TENM3: variants seen among roughly 807,000 people sequenced by gnomAD.
TENM3 encodes teneurin transmembrane protein 3, also known as teneurin-3.
TENM3 carries 63 observed loss-of-function variants against 255.1 expected under a neutral mutation model. The ratio of observed to expected loss-of-function variants is 0.25; its 90% CI spans 0.20 to 0.30. The LOEUF (loss-of-function observed/expected upper bound fraction) is 0.30. TENM3 is among the 10% of genes least tolerant of loss of function. The pLI is 1.00. For synonymous variants in TENM3, 1,306 were observed against 1,322.3 expected (o/e 0.99, Z 0.27); for missense variants, 2,929 against 3,461.1 (o/e 0.85, Z 3.86).
chr4:182,564,001 G>A (rs1294594385), intron 3 of TENM3, among the ~76,000 whole-genome samples: 1 of 152,082 alleles, frequency 6.6e-6, no homozygotes. Flanking sequence ...GCCCCAGTAT[G>A]TTCTTCACCT....
intron 7 of TENM3, among the ~76,000 whole-genome samples, chr4:182,677,324 G>T (rs981694654): frequency 4.6e-5 from 7 of 152,066 alleles, no homozygotes; most frequent in Non-Finnish European, 1.0e-4. Flanking sequence ...TGATGCGAAT[G>T]GTTATTTCTA....
intron 5 of TENM3, among the ~76,000 whole-genome samples, chr4:182,649,444 AG>A (rs1561054256): frequency 6.6e-6 from 1 of 150,482 alleles, no homozygotes. Context: ...ATATGAATCC[AG>A]GCACTTTCAC....
At chr4:181,625,444 C>CA in the TENM3 span, among the ~76,000 whole-genome samples, 1 of 152,174 alleles carries the variant, frequency 6.6e-6, no homozygotes, top group Admixed American at 6.5e-5. Flanking sequence ...TCCATCCCAG[C>CA]AACTATCTCT....
the TENM3 span, among the ~76,000 whole-genome samples, chr4:182,013,502 G>A: frequency 6.6e-6 from 1 of 152,162 alleles, no homozygotes; most frequent in East Asian, 1.9e-4. Context: ...ATTCCAAAAT[G>A]TTTTTCTTTC....
chr4:182,230,812 C>CTATATATGTA (rs1756508667), intron 1 of TENM3, among the ~76,000 whole-genome samples: 4 of 58,058 alleles, frequency 6.9e-5, no homozygotes, highest in Non-Finnish European at 1.2e-4. Context: ...GTTTCTCAAA[C>CTATATATGTA]TATATATATA....
intron 3 of TENM3, among the ~76,000 whole-genome samples, chr4:182,491,643 T>C (rs911734751): frequency 1.3e-5 from 2 of 152,148 alleles, no homozygotes; most frequent in African/African-American, 4.8e-5. Flanking sequence ...TTTTTTCCAG[T>C]CTTTTCTTTT....
At chr4:182,437,583 G>A (rs1772141333) in intron 3 of TENM3, among the ~76,000 whole-genome samples, 1 of 152,102 alleles carries the variant, frequency 6.6e-6, no homozygotes, top group African/African-American at 2.4e-5. Flanking sequence ...ATCACTCGAG[G>A]TCAAGAGTTA....
chr4:181,620,364 G>T, the TENM3 span, among the ~76,000 whole-genome samples: 2 of 152,196 alleles, frequency 1.3e-5, no homozygotes, highest in South Asian at 2.1e-4. Flanking sequence ...ACCCAAATTC[G>T]CACACACTCC....
intron 3 of TENM3, among the ~76,000 whole-genome samples, chr4:182,423,526 G>C (rs1770992273): frequency 6.6e-6 from 1 of 152,064 alleles, no homozygotes; most frequent in Admixed American, 6.6e-5. Flanking sequence ...AGTCAACAAA[G>C]CCCAATGACT....
chr4:181,728,087 A>G, the TENM3 span, among the ~76,000 whole-genome samples: 6 of 152,216 alleles, frequency 3.9e-5, no homozygotes, highest in Admixed American at 3.3e-4. Flanking sequence ...TAATAGACTC[A>G]TGTTCTTGCC....
chr4:181,980,932 T>C, the TENM3 span, among the ~76,000 whole-genome samples: 1 of 152,086 alleles, frequency 6.6e-6, no homozygotes, highest in South Asian at 2.1e-4. Flanking sequence ...AAGCATTAGA[T>C]GATATTTCAA....
At position 182,688,269 on chromosome 4, in the gene TENM3, C is replaced by G. The variant is rs745320821; in HGVS notation, c.2139C>G (p.His713Gln). The change falls in exon 12 of 28, where the codon CAC becomes CAG. Residue 713 changes from histidine to glutamine, a missense_variant. His to Gln is a conservative substitution (Grantham distance 24). Coordinates refer to ENST00000511685, the MANE Select transcript of TENM3 (RefSeq NM_001080477.4). ...CAGCCTGTAATCAGAGAGCCTGCCA[C>G]CCCCGCTGTGCCGAGCACGGGACCT... ...TGPACNQRAC[H>Q]PRCAEHGTCK... The G allele has an allele frequency of 6.2e-7, 1 of 1,613,926 alleles. No individual in the cohort carries two copies. Among genetic ancestry groups the G allele is most frequent in the South Asian group, 1.1e-5 (1 of 91,076 alleles).
At chr4:181,652,740 C>A in the TENM3 span, among the ~76,000 whole-genome samples, 5 of 152,266 alleles carry the variant, frequency 3.3e-5, no homozygotes, top group East Asian at 9.6e-4. Context: ...GTTCCGCTAA[C>A]CTTAAATAAT....
chr4:182,614,461 T>C (rs1183989045), intron 4 of TENM3, among the ~76,000 whole-genome samples: 1 of 152,170 alleles, frequency 6.6e-6, no homozygotes, highest in Non-Finnish European at 1.5e-5. Flanking sequence ...GGAAAAATAA[T>C]GAATTTTAGT....
chr4:181,772,026 G>A, the TENM3 span, among the ~76,000 whole-genome samples: 1 of 152,068 alleles, frequency 6.6e-6, no homozygotes, highest in African/African-American at 2.4e-5. Context: ...TATGTAAATA[G>A]CACAACACGT....
chr4:181,900,001 T>C, the TENM3 span, among the ~76,000 whole-genome samples: 5 of 152,336 alleles, frequency 3.3e-5, no homozygotes, highest in East Asian at 9.6e-4. Flanking sequence ...TTGGTTGTAG[T>C]ATTTATTGCT....
the TENM3 span, among the ~76,000 whole-genome samples, chr4:181,820,749 G>A: frequency 2.0e-5 from 3 of 152,138 alleles, no homozygotes; most frequent in Non-Finnish European, 2.9e-5. Context: ...AGAACAGGGG[G>A]TTGGGACCTT....
chr4:181,458,846 A>T, the TENM3 span, among the ~76,000 whole-genome samples: 2 of 151,992 alleles, frequency 1.3e-5, no homozygotes. Context: ...TATTTTGAAT[A>T]AAGACGCTAT....
intron 3 of TENM3, among the ~76,000 whole-genome samples, chr4:182,596,289 C>T (rs569569894): frequency 3.5e-4 from 53 of 152,318 alleles, no homozygotes; most frequent in African/African-American, 1.3e-3. Context: ...CACAAATAGT[C>T]ATTCATTCAA....
Sources: gnomAD v4.1 joint callset for allele counts (sites outside exome capture counted in the v4.1 genomes callset) on GRCh38, gnomAD v4.1.1 for gene constraint, MANE v1.5 for transcripts, NCBI Gene and HGNC (gene_info 2026-07-23, HGNC 2026-07-21) for gene names.